DBT: variants seen among roughly 807,000 people sequenced by gnomAD.
DBT encodes the protein dihydrolipoamide branched chain transacylase E2, also known as lipoamide acyltransferase component of branched-chain alpha-keto acid dehydrogenase complex, mitochondrial.
Under a neutral mutation model 51.3 loss-of-function variants are expected in DBT, and 40 were observed. That is an observed-to-expected ratio of 0.78 (90% confidence interval 0.61 to 1.02). The LOEUF is 1.02. Ranked by LOEUF, DBT falls within the 50% of genes least tolerant of loss-of-function variation. The probability of loss-of-function intolerance (pLI) is 0.00; values close to 1 mark genes in which losing one functional copy is unlikely to be tolerated. For synonymous variants in DBT, 181 were observed against 190.4 expected (o/e 0.95, Z 0.41); for missense variants, 510 against 580.2 (o/e 0.88, Z 1.24).
rs1457536673 is a variant in DBT, at chr1:100,193,658, G to A, written c.*2597C>T. ...TCTCGCTCTATCACCAGGCTGGAGTGCAGTGGCTCAATCTTGGCTCACTGC... is the reference window on the plus strand; with the variant it reads ...TCTCGCTCTATCACCAGGCTGGAGTACAGTGGCTCAATCTTGGCTCACTGC... On this transcript the variant is annotated 3_prime_UTR_variant, in exon 11 of 11. Coordinates refer to ENST00000370132, the MANE Select transcript of DBT (RefSeq NM_001918.5). The A allele has an allele frequency of 6.6e-6, 1 of 152,244 alleles. No individual in the cohort carries two copies. Among genetic ancestry groups the A allele is most frequent in the African/African-American group, 2.4e-5 (1 of 41,446 alleles). The allele number at this position is 152,244 out of a possible 1,614,324, so 9.4% of individuals were successfully genotyped here.
rs1371003127 is a variant in DBT at position 100,213,436 on chromosome 1, G to A, written c.939+1381C>T. The A allele has an allele frequency of 1.9e-6, 3 of 1,576,484 alleles. No homozygotes were observed. The East Asian group carries it at 6.8e-5, about 35-fold the overall frequency. On this transcript the variant is annotated intron_variant, in intron 7 of 10. Transcript: ENST00000370132. Reference sequence around the variant, plus strand: ...CGCCCTACTCCTACCTCGTCACACGGACACCCACCCACCATCCCAGGGTCT... The same window carrying A: ...CGCCCTACTCCTACCTCGTCACACGAACACCCACCCACCATCCCAGGGTCT...
intron 10 of DBT, 71 bp from the exon 11 acceptor site, chr1:100,196,493 C>G (rs1320755648): frequency 3.9e-6 from 6 of 1,528,350 alleles, no homozygotes; most frequent in South Asian, 1.2e-5. Context: ...GTTCAGAGCT[C>G]AAGCTCTAAC....
intron 10 of DBT, among the ~76,000 whole-genome samples, chr1:100,199,548 C>A (rs1436195639): frequency 6.6e-6 from 1 of 152,184 alleles, no homozygotes; most frequent in Non-Finnish European, 1.5e-5. Flanking sequence ...CAGAGGCAGC[C>A]ACCAGAAGTG....
intron 2 of DBT, among the ~76,000 whole-genome samples, chr1:100,238,153 T>C (rs36195710): frequency 3.2e-3 from 58 of 18,140 alleles, no homozygotes; most frequent in Admixed American, 0.012. Flanking sequence ...TCCTTCCTTC[T>C]TTCCCTCCTT....
rs957876195 is a variant in DBT, at chr1:100,213,399, C to T, written c.939+1418G>A. On this transcript the variant is annotated intron_variant, in intron 7 of 10. Coordinates refer to ENST00000370132, the MANE Select transcript of DBT (RefSeq NM_001918.5). ...CACGGCTACGGCGCCATCCCCGCCG[C>T]GCCCCCGCAGCCGCCCTACTCCTAC... 17 of 1,568,022 alleles carry T rather than the reference C, an allele frequency of 1.1e-5. No individual in the cohort carries two copies. In the Admixed American group the frequency reaches 3.0e-4, roughly 27 times the overall value.
chr1:100,199,115 T>C (rs1186614652), intron 10 of DBT, among the ~76,000 whole-genome samples: 1 of 152,168 alleles, frequency 6.6e-6, no homozygotes, highest in Non-Finnish European at 1.5e-5. Flanking sequence ...AGCTTGGCCA[T>C]AATTTTTTTC....
intron 4 of DBT, among the ~76,000 whole-genome samples, chr1:100,225,661 C>T (rs552181550): frequency 1.3e-5 from 2 of 151,970 alleles, no homozygotes; most frequent in Admixed American, 1.3e-4. Context: ...CTCACCTCTA[C>T]TAAAAATACA....
At chr1:100,218,520 C>T in intron 5 of DBT, 106 bp downstream of exon 5, 1 of 1,263,404 alleles carries the variant, frequency 7.9e-7, no homozygotes, top group Non-Finnish European at 1.1e-6. Context: ...TTCATGTTTC[C>T]TTAATTTCAT....
chr1:100,218,786 A>AT (rs79284286), intron 4 of DBT, 39 bp from the exon 5 acceptor site: 32,671 of 1,249,004 alleles, frequency 0.026, no homozygotes, highest in Non-Finnish European at 0.029. Context: ...TTGAAAAAAA[A>AT]TTTTTTTTTT....
intron 2 of DBT, among the ~76,000 whole-genome samples, chr1:100,239,938 C>T (rs1664114508): frequency 6.6e-6 from 1 of 150,742 alleles, no homozygotes; most frequent in East Asian, 1.9e-4. Flanking sequence ...ATTTTTCATT[C>T]CCAGCACAAA....
At chr1:100,243,953 A>G (rs1194114778) in intron 1 of DBT, among the ~76,000 whole-genome samples, 2 of 151,134 alleles carry the variant, frequency 1.3e-5, no homozygotes, top group African/African-American at 4.9e-5. Context: ...AAAAAAAAAA[A>G]AGAGACATAG....
chr1:100,197,843 A>T (rs1370197121), intron 10 of DBT, among the ~76,000 whole-genome samples: 1 of 152,224 alleles, frequency 6.6e-6, no homozygotes, highest in Non-Finnish European at 1.5e-5. Flanking sequence ...CAATTTAGCA[A>T]GAAGGAATTA....
intron 3 of DBT, 122 bp from the exon 4 acceptor site, chr1:100,231,036 G>C: frequency 1.5e-6 from 1 of 687,158 alleles, no homozygotes; most frequent in East Asian, 2.7e-5. Flanking sequence ...ACTTTCAGAT[G>C]GTGTACTAAG....
intron 3 of DBT, among the ~76,000 whole-genome samples, chr1:100,231,242 C>T (rs1179512664): frequency 6.6e-6 from 1 of 152,142 alleles, no homozygotes; most frequent in Non-Finnish European, 1.5e-5. Flanking sequence ...CTTCTATTGT[C>T]TTATATTACC....
chr1:100,228,930 G>A (rs893607992), intron 4 of DBT, among the ~76,000 whole-genome samples: 3 of 152,188 alleles, frequency 2.0e-5, no homozygotes, highest in Non-Finnish European at 2.9e-5. Context: ...TGCATTGAGT[G>A]TGATTTGTGA....
chr1:100,238,619 C>T (rs1408029321), intron 2 of DBT, among the ~76,000 whole-genome samples: 1 of 152,116 alleles, frequency 6.6e-6, no homozygotes, highest in Non-Finnish European at 1.5e-5. Flanking sequence ...CCTCAGACTC[C>T]TGAGTGGCTG....
At position 100,188,569 on chromosome 1, in the gene DBT, T is replaced by G. The variant is rs1660677613; in HGVS notation, c.*7686A>C. The G allele has an allele frequency of 6.6e-6, 1 of 151,884 alleles. No homozygotes were observed. Among genetic ancestry groups the G allele is most frequent in the African/African-American group, 2.4e-5 (1 of 41,422 alleles). 9.4% of individuals were successfully genotyped at this position (151,884 alleles called of 1,614,324 possible). On this transcript the variant is annotated 3_prime_UTR_variant, in exon 11 of 11. Transcript: ENST00000370132. ...ACTTACATTGCCCGTTGGAGGAGAC[T>G]CTGCCTTCTGCTCAGCCAAAAATCA...
In DBT at chr1:100,196,132, G is replaced by C. The variant is rs1225793526; in HGVS notation, c.*123C>G. On this transcript the variant is annotated 3_prime_UTR_variant, in exon 11 of 11. Transcript: ENST00000370132. ...GAACAGTGACAAATATTGTGCCTTA[G>C]ATCCTTAATCATACGATACAAATCA... is the stretch of plus-strand genomic sequence containing the variant. 2 of 887,726 alleles carry C rather than the reference G, an allele frequency of 2.3e-6. No individual in the cohort carries two copies. Among genetic ancestry groups the C allele is most frequent in the Non-Finnish European group, 3.7e-6 (2 of 545,000 alleles). 55.0% of individuals were successfully genotyped at this position (887,726 alleles called of 1,614,324 possible).
chr1:100,210,969 T>A, intron 7 of DBT, 198 bp from the exon 8 acceptor site: 1 of 1,016,024 alleles, frequency 9.8e-7, no homozygotes, highest in Non-Finnish European at 1.5e-6. Context: ...CCCTAATCAT[T>A]AAAGAATAAA....
Sources: gnomAD v4.1 joint callset for allele counts (sites outside exome capture counted in the v4.1 genomes callset) on GRCh38, gnomAD v4.1.1 for gene constraint, MANE v1.5 for transcripts, NCBI Gene and HGNC (gene_info 2026-07-23, HGNC 2026-07-21) for gene names.